PARD3: variants seen among roughly 807,000 people sequenced by gnomAD.
The protein encoded by PARD3 is partitioning defective 3 homolog.
A neutral mutation model predicts 155.4 loss-of-function variants in PARD3; 75 were observed. That is an observed-to-expected ratio of 0.48 (90% confidence interval 0.40 to 0.58). The LOEUF is 0.58. Among genes scored for constraint, PARD3 ranks in the 20% least tolerant of loss-of-function variants. The pLI is 0.00. For missense variants in PARD3, 1,642 were observed against 1,721.7 expected (o/e 0.95, Z 0.82); for synonymous variants, 576 against 610.5 (o/e 0.94, Z 0.83).
intron 1 of PARD3, among the ~76,000 whole-genome samples, chr10:34,798,836 G>C (rs186042550): frequency 6.6e-4 from 101 of 152,240 alleles, no homozygotes; most frequent in South Asian, 1.7e-3. Context: ...AGGCGAGCAG[G>C]GTTGCAAATC....
At position 34,226,066 on chromosome 10, in the gene PARD3, T is replaced by C. The variant is rs563387346; in HGVS notation, c.3419+43591A>G. 3.9e-5 allele frequency among the ~76,000 whole-genome samples: 6 copies of C among 152,250 alleles called. No homozygotes were observed. In the South Asian group the frequency reaches 1.2e-3, roughly 32 times the overall value. On this transcript the variant is annotated intron_variant, in intron 22 of 24. Coordinates refer to ENST00000374788, the MANE Select transcript of PARD3 (RefSeq NM_001184785.2). ...TTACAAAGACTAGTACCCAGATCTA[T>C]AAATGACTTACAATTCAGTAAGAAG...
At chr10:34,467,211 T>C (rs1407078713) in intron 4 of PARD3, among the ~76,000 whole-genome samples, 1 of 151,996 alleles carries the variant, frequency 6.6e-6, no homozygotes, top group East Asian at 1.9e-4. Context: ...TACAATGAAA[T>C]GTTTTACACT....
At chr10:34,526,016 AG>A (rs1157934005) in intron 2 of PARD3, among the ~76,000 whole-genome samples, 2 of 132,012 alleles carry the variant, frequency 1.5e-5, no homozygotes, top group African/African-American at 5.7e-5. Flanking sequence ...TGGGAGATGG[AG>A]GTTGCGGTGA....
chr10:34,666,805 A>ATATATATATG (rs1554804649), intron 2 of PARD3, among the ~76,000 whole-genome samples: 2,062 of 101,436 alleles, frequency 0.02, 93 homozygotes, highest in African/African-American at 0.084. Context: ...AAATATATAT[A>ATATATATATG]TATATATATA....
intron 24 of PARD3, among the ~76,000 whole-genome samples, chr10:34,115,208 G>A (rs4007313): frequency 6.6e-6 from 1 of 152,136 alleles, no homozygotes; most frequent in Non-Finnish European, 1.5e-5. Context: ...ACGCGGGAGG[G>A]TGCAGAGACA....
chr10:34,612,841 T>C (rs1202139872), intron 2 of PARD3, among the ~76,000 whole-genome samples: 2 of 152,220 alleles, frequency 1.3e-5, no homozygotes, highest in African/African-American at 4.8e-5. Flanking sequence ...TGTGAAATAA[T>C]TGAGCAATTG....
In PARD3 at chr10:34,787,789, T is replaced by C. The variant is rs75032870; in HGVS notation, c.120+27087A>G. On this transcript the variant is annotated intron_variant, in intron 1 of 24. Coordinates refer to ENST00000374788, the MANE Select transcript of PARD3 (RefSeq NM_001184785.2). ...AACCAACATCCTTTTTTTTTTTTTT[T>C]TACTTTTGAGACAGGGTGTCACTCT... Among the ~76,000 whole-genome samples the C allele has an allele frequency of 7.7e-3, 1,171 of 151,762 alleles. 16 individuals are homozygous for C. The highest frequency in any genetic ancestry group is 0.027 in the African/African-American group (1,126 of 41,338).
intron 1 of PARD3, among the ~76,000 whole-genome samples, chr10:34,752,294 G>C (rs1435848180): frequency 1.3e-5 from 2 of 150,636 alleles, no homozygotes; most frequent in Non-Finnish European, 3.0e-5. Flanking sequence ...AAAAAAGTAA[G>C]ATAAAAATTA....
intron 20 of PARD3, among the ~76,000 whole-genome samples, chr10:34,314,944 A>C (rs1957919660): frequency 1.3e-5 from 2 of 152,210 alleles, no homozygotes; most frequent in South Asian, 4.1e-4. Flanking sequence ...GGCTGATTCC[A>C]ATAAACCAAT....
At chr10:34,259,676 G>A (rs1057002361) in intron 22 of PARD3, among the ~76,000 whole-genome samples, 9 of 152,114 alleles carry the variant, frequency 5.9e-5, no homozygotes, top group African/African-American at 2.2e-4. Context: ...TACAACGAGA[G>A]GAATGAACCA....
chr10:34,803,238 C>CA (rs1315231535), intron 1 of PARD3, among the ~76,000 whole-genome samples: 2 of 51,356 alleles, frequency 3.9e-5, no homozygotes, highest in Non-Finnish European at 3.4e-5. Flanking sequence ...GACTCCGTCT[C>CA]AAAAAAATAA....
At chr10:34,170,823 G>T (rs928496634) in intron 22 of PARD3, among the ~76,000 whole-genome samples, 1 of 152,186 alleles carries the variant, frequency 6.6e-6, no homozygotes, top group African/African-American at 2.4e-5. Context: ...TACTGCCAAG[G>T]TTGCTTTTTA....
chr10:34,600,405 G>A (rs1284754233), intron 2 of PARD3, among the ~76,000 whole-genome samples: 2 of 151,512 alleles, frequency 1.3e-5, no homozygotes, highest in African/African-American at 4.8e-5. Flanking sequence ...GAAAGGAAGA[G>A]GAATATTGTT....
At chr10:34,301,160 G>C (rs1957129040) in intron 20 of PARD3, among the ~76,000 whole-genome samples, 1 of 152,126 alleles carries the variant, frequency 6.6e-6, no homozygotes, top group South Asian at 2.1e-4. Flanking sequence ...TTCTCAACTT[G>C]AACAAGCATT....
At chr10:34,426,390 C>G (rs922400058) in intron 5 of PARD3, among the ~76,000 whole-genome samples, 1 of 152,154 alleles carries the variant, frequency 6.6e-6, no homozygotes, top group East Asian at 1.9e-4. Context: ...AATCCATCCA[C>G]TTTTTGCATG....
intron 5 of PARD3, among the ~76,000 whole-genome samples, chr10:34,434,415 AT>A (rs1353314291): frequency 1.3e-5 from 2 of 152,208 alleles, no homozygotes; most frequent in African/African-American, 2.4e-5. Flanking sequence ...ATCACAATAG[AT>A]TATGAAGCTT....
At chr10:34,641,043 G>A (rs1002464634) in intron 2 of PARD3, among the ~76,000 whole-genome samples, 1 of 152,106 alleles carries the variant, frequency 6.6e-6, no homozygotes, top group Non-Finnish European at 1.5e-5. Context: ...TAGTAGATTT[G>A]TTTAAACATT....
At chr10:34,293,068 C>CA (rs770840774) in intron 20 of PARD3, among the ~76,000 whole-genome samples, 2 of 151,972 alleles carry the variant, frequency 1.3e-5, no homozygotes, top group Non-Finnish European at 2.9e-5. Context: ...AACAAATAAA[C>CA]AAAAAACTGT....
At chr10:34,623,669 A>G (rs2091821340) in intron 2 of PARD3, among the ~76,000 whole-genome samples, 1 of 152,124 alleles carries the variant, frequency 6.6e-6, no homozygotes, top group African/African-American at 2.4e-5. Flanking sequence ...CACCCACTCC[A>G]GACAGACCTG....
Sources: allele counts gnomAD v4.1 joint callset (sites outside exome capture counted in the v4.1 genomes callset), GRCh38; gene constraint gnomAD v4.1.1; transcripts MANE v1.5; gene names NCBI Gene and HGNC (gene_info 2026-07-23, HGNC 2026-07-21).